SLC14A2: variants seen among roughly 807,000 people sequenced by gnomAD.
SLC14A2 encodes the protein solute carrier family 14 member 2, also known as urea transporter 2.
A neutral mutation model predicts 104.6 loss-of-function variants in SLC14A2; 91 were observed. That is an observed-to-expected ratio of 0.87 (90% confidence interval 0.73 to 1.04). The LOEUF (loss-of-function observed/expected upper bound fraction) is 1.04. Among genes scored for constraint, SLC14A2 ranks in the 50% least tolerant of loss-of-function variants. The pLI is 0.00. For missense variants in SLC14A2, 1,189 were observed against 1,156.0 expected, an observed-to-expected ratio of 1.03 and a Z score of -0.41; for synonymous variants, 476 against 466.4, an observed-to-expected ratio of 1.02 and a Z score of -0.27.
At chr18:45,536,934 T>G (rs544927166) in intron 2 of SLC14A2, among the ~76,000 whole-genome samples, 3 of 152,056 alleles carry the variant, frequency 2.0e-5, no homozygotes, top group African/African-American at 7.2e-5. Context: ...AAGGACCTTG[T>G]GGTCTAGCCA....
chr18:45,487,347 C>G (rs560063443), intron 2 of SLC14A2, among the ~76,000 whole-genome samples: 1 of 152,318 alleles, frequency 6.6e-6, no homozygotes, highest in African/African-American at 2.4e-5. Flanking sequence ...TAGGCTGGAT[C>G]CACCTGAATG....
chr18:45,626,620 T>C, intron 3 of SLC14A2, among the ~76,000 whole-genome samples: 1 of 144,508 alleles, frequency 6.9e-6, no homozygotes, highest in South Asian at 2.5e-4. Context: ...TCCCCACCCT[T>C]TCTTTTGGAC....
At chr18:45,466,443 C>G (rs1391236884) in intron 1 of SLC14A2, among the ~76,000 whole-genome samples, 1 of 151,402 alleles carries the variant, frequency 6.6e-6, no homozygotes, top group Non-Finnish European at 1.5e-5. Flanking sequence ...GCTAGCAAAG[C>G]TGAGCAGCAT....
At chr18:45,645,943 G>A (rs1342853502) in intron 10 of SLC14A2, among the ~76,000 whole-genome samples, 6 of 152,198 alleles carry the variant, frequency 3.9e-5, no homozygotes, top group East Asian at 1.9e-4. Context: ...AGTCCCTTGC[G>A]ACATAGCAAA....
At chr18:45,213,651 G>A (rs967161861) in intron 1 of SLC14A2, among the ~76,000 whole-genome samples, 1 of 152,134 alleles carries the variant, frequency 6.6e-6, no homozygotes, top group African/African-American at 2.4e-5. Context: ...ATGAGGTGAG[G>A]AGTAAATGTA....
intron 1 of SLC14A2, chr18:45,436,749 T>C (rs1362823984): frequency 2.6e-5 from 4 of 152,142 alleles, no homozygotes; most frequent in South Asian, 4.1e-4. Context: ...GCTTCAGTAA[T>C]TGGATAATTA....
chr18:45,576,652 T>C (rs1236734206), intron 2 of SLC14A2, among the ~76,000 whole-genome samples: 2 of 152,120 alleles, frequency 1.3e-5, no homozygotes, highest in East Asian at 3.9e-4. Flanking sequence ...GCTCCTTGCC[T>C]CTCCCTCCCT....
intron 1 of SLC14A2, among the ~76,000 whole-genome samples, chr18:45,314,154 A>G (rs2085105767): frequency 1.3e-5 from 2 of 152,254 alleles, no homozygotes; most frequent in African/African-American, 4.8e-5. Context: ...CAAAGAACAA[A>G]GTGAAAAGAA....
chr18:45,409,789 G>A (rs56247690), intron 1 of SLC14A2, among the ~76,000 whole-genome samples: 2,554 of 152,248 alleles, frequency 0.017, 74 homozygotes, highest in African/African-American at 0.058. Context: ...CAACCTTTTA[G>A]GCATCAGGGA....
chr18:45,250,449 CTT>C (rs367772891), intron 1 of SLC14A2, among the ~76,000 whole-genome samples: 107 of 152,176 alleles, frequency 7.0e-4, no homozygotes, highest in African/African-American at 2.5e-3. Context: ...ATTTTCTCCT[CTT>C]TGTTCTCTTT....
chr18:45,591,503 GTTTTTGTAT>G (rs1292063720), intron 2 of SLC14A2, among the ~76,000 whole-genome samples: 1 of 151,996 alleles, frequency 6.6e-6, no homozygotes, highest in Non-Finnish European at 1.5e-5. Context: ...CCCAGCTAAT[GTTTTTGTAT>G]TTTTAGTACA....
chr18:45,357,489 C>T (rs190767084), intron 1 of SLC14A2, among the ~76,000 whole-genome samples: 42 of 152,092 alleles, frequency 2.8e-4, no homozygotes, highest in Admixed American at 1.1e-3. Context: ...GTGGCACATG[C>T]GTGAGCCCAG....
At chr18:45,225,095 G>A (rs958203181) in intron 1 of SLC14A2, among the ~76,000 whole-genome samples, 3 of 152,112 alleles carry the variant, frequency 2.0e-5, no homozygotes, top group African/African-American at 7.2e-5. Flanking sequence ...CTATTGCCTA[G>A]GTTTTCTTCT....
At chr18:45,315,571 C>T (rs8085004) in intron 1 of SLC14A2, among the ~76,000 whole-genome samples, 24,368 of 151,988 alleles carry the variant, frequency 0.16, 2,101 homozygotes, top group African/African-American at 0.21. Flanking sequence ...AACCCCCATC[C>T]CTAATTATAT....
At chr18:45,398,494 C>G (rs1367888696) in intron 1 of SLC14A2, among the ~76,000 whole-genome samples, 2 of 151,962 alleles carry the variant, frequency 1.3e-5, no homozygotes, top group African/African-American at 4.8e-5. Flanking sequence ...TATTTGTACA[C>G]CAATGTTTAT....
chr18:45,241,461 A>G (rs2084314859), intron 1 of SLC14A2, among the ~76,000 whole-genome samples: 1 of 152,078 alleles, frequency 6.6e-6, no homozygotes, highest in Non-Finnish European at 1.5e-5. Flanking sequence ...TGTAGATAAG[A>G]AACCACTTTC....
chr18:45,440,962 C>T (rs2705403), intron 1 of SLC14A2, among the ~76,000 whole-genome samples: 42,226 of 151,930 alleles, frequency 0.28, 6,008 homozygotes, highest in South Asian at 0.42. Context: ...TCCAGGCTGC[C>T]GTGTTCGTGC....
At position 45,597,049 on chromosome 18, in the gene SLC14A2, G is replaced by A. The variant is rs534470686; in HGVS notation, c.-34-27582G>A. Among the ~76,000 whole-genome samples, 309 of 152,316 alleles carry A rather than the reference G, an allele frequency of 2.0e-3. 1 individual carries two copies. Among genetic ancestry groups the A allele is most frequent in the African/African-American group, 6.8e-3 (284 of 41,560 alleles). ...TCTCCAAAGAAGGTTGGTTGCAGCC[G>A]GGCACGGTGGCTCATGCCAGCACGT... On this transcript the variant is annotated intron_variant, in intron 2 of 20. Transcript: ENST00000586448.
At chr18:45,609,288 C>G (rs974071920) in intron 2 of SLC14A2, among the ~76,000 whole-genome samples, 3 of 152,030 alleles carry the variant, frequency 2.0e-5, no homozygotes, top group Non-Finnish European at 4.4e-5. Flanking sequence ...TCTCCTTATT[C>G]TCCTTCCTTT....
Sources: allele counts gnomAD v4.1 joint callset (sites outside exome capture counted in the v4.1 genomes callset), GRCh38; gene constraint gnomAD v4.1.1; transcripts MANE v1.5; gene names NCBI Gene and HGNC (gene_info 2026-07-23, HGNC 2026-07-21).